The following RBFOX1 variants were observed in gnomAD, a reference collection of about 807,000 sequenced individuals.
The protein encoded by RBFOX1 is RNA binding protein fox-1 homolog 1.
A neutral mutation model predicts 57.7 loss-of-function variants in RBFOX1; 8 were observed. That is an observed-to-expected ratio of 0.14 (90% confidence interval 0.08 to 0.25). RBFOX1 has a LOEUF of 0.25. Among genes scored for constraint, RBFOX1 ranks in the 10% least tolerant of loss-of-function variants. The pLI is 1.00. For synonymous variants in RBFOX1, 326 were observed against 222.4 expected, an observed-to-expected ratio of 1.47 and a Z score of -4.15; for missense variants, 611 against 548.5, an observed-to-expected ratio of 1.11 and a Z score of -1.14.
intron 4 of RBFOX1, among the ~76,000 whole-genome samples, chr16:7,143,534 A>G (rs747161310): frequency 1.3e-5 from 2 of 152,268 alleles, no homozygotes; most frequent in Non-Finnish European, 1.5e-5. Context: ...AGAAGCACCA[A>G]TAAAAATAAA....
At chr16:6,943,112 G>C (rs929629627) in intron 3 of RBFOX1, among the ~76,000 whole-genome samples, 1 of 152,122 alleles carries the variant, frequency 6.6e-6, no homozygotes, top group Admixed American at 6.6e-5. Flanking sequence ...AGCCAATCTG[G>C]GTATTCATTC....
In RBFOX1 at chr16:7,504,726, TA is replaced by T. The variant is rs1567553074; in HGVS notation, c.28-13420del. On this transcript the variant is annotated intron_variant, in intron 4 of 15. Coordinates refer to ENST00000550418, the MANE Select transcript of RBFOX1 (RefSeq NM_018723.4). The stretch of plus-strand genomic sequence containing the variant: ...AAGTGAGATTATATATATATATATA[TA>T]TATATATATATATATATATATATAT... Among the ~76,000 whole-genome samples, 97 of 46,186 alleles carry T rather than the reference TA, an allele frequency of 2.1e-3. 14 individuals are homozygous for T. The highest frequency in any genetic ancestry group is 7.3e-3 in the South Asian group (6 of 822). 30.3% of individuals were successfully genotyped at this position (46,186 alleles called of 152,430 possible). A position where few individuals can be genotyped will look rare whatever the true frequency, so the allele number is the denominator to read the frequency against.
At chr16:6,989,265 C>G (rs1241674203) in intron 3 of RBFOX1, among the ~76,000 whole-genome samples, 2 of 152,052 alleles carry the variant, frequency 1.3e-5, no homozygotes, top group East Asian at 3.9e-4. Flanking sequence ...TTATTTTTCT[C>G]TTGGGCAGTA....
At chr16:6,506,547 G>A (rs1035825870) in intron 2 of RBFOX1, among the ~76,000 whole-genome samples, 3 of 150,684 alleles carry the variant, frequency 2.0e-5, no homozygotes, top group African/African-American at 7.3e-5. Flanking sequence ...GGACATCTAT[G>A]GACCCACAGT....
At chr16:6,794,756 G>A (rs1428613922) in intron 3 of RBFOX1, among the ~76,000 whole-genome samples, 1 of 152,084 alleles carries the variant, frequency 6.6e-6, no homozygotes, top group African/African-American at 2.4e-5. Flanking sequence ...CAAATGTGTG[G>A]TTGATGTAGG....
intron 1 of RBFOX1, among the ~76,000 whole-genome samples, chr16:6,147,085 A>T (rs1192592393): frequency 6.6e-6 from 1 of 152,040 alleles, no homozygotes; most frequent in African/African-American, 2.4e-5. Flanking sequence ...CCCAGCTTCC[A>T]CCCACGGAAT....
chr16:5,629,039 C>G (rs1054201598), intron 3 of RBFOX1, among the ~76,000 whole-genome samples: 2 of 152,002 alleles, frequency 1.3e-5, no homozygotes, highest in Non-Finnish European at 1.5e-5. Flanking sequence ...AAGCACCCAT[C>G]GTAGGGCAAA....
At position 6,862,964 on chromosome 16, in the gene RBFOX1, G is replaced by A. The variant is rs529106314; in HGVS notation, c.-15-189093G>A. On this transcript the variant is annotated intron_variant, in intron 3 of 15. Coordinates refer to ENST00000550418, the MANE Select transcript of RBFOX1 (RefSeq NM_018723.4). ...CACGGCACTGCACTCCAGCCTGGGC[G>A]ACAGAGGGAGACTCTGTCTAAAAAA... Among the ~76,000 whole-genome samples the A allele has an allele frequency of 6.9e-5, 10 of 145,730 alleles. 1 individual carries two copies. The highest frequency in any genetic ancestry group is 1.5e-4 in the African/African-American group (6 of 41,026).
intron 5 of RBFOX1, among the ~76,000 whole-genome samples, chr16:7,551,081 C>G (rs138800522): frequency 8.4e-6 from 1 of 118,804 alleles, no homozygotes; most frequent in African/African-American, 3.2e-5. Context: ...GCAACAAGAG[C>G]GAGACTCAAA....
At chr16:6,773,630 T>TTG (rs1399178703) in intron 3 of RBFOX1, among the ~76,000 whole-genome samples, 1 of 124,314 alleles carries the variant, frequency 8.0e-6, no homozygotes, top group Admixed American at 8.5e-5. Context: ...TGGGGTGCAT[T>TTG]TGTGTGTGTA....
chr16:6,147,947 C>A (rs2096770892), intron 1 of RBFOX1, among the ~76,000 whole-genome samples: 1 of 152,234 alleles, frequency 6.6e-6, no homozygotes, highest in South Asian at 2.1e-4. Context: ...CAAGGGTCTC[C>A]TACAGCCTTC....
At position 6,527,311 on chromosome 16, in the gene RBFOX1, T is replaced by C. The variant is rs371247451; in HGVS notation, c.-63-127292T>C. Among the ~76,000 whole-genome samples the C allele has an allele frequency of 5.9e-5, 9 of 152,194 alleles. No individual in the cohort carries two copies. The East Asian group carries it at 1.4e-3, about 23-fold the overall frequency. On this transcript the variant is annotated intron_variant, in intron 2 of 15. Coordinates refer to ENST00000550418, the MANE Select transcript of RBFOX1 (RefSeq NM_018723.4). ...TCAGAAATGTGATATCTTAGGTATA[T>C]ACTAAGAGGGGTGTGTATGTGTGTG... is the stretch of plus-strand genomic sequence containing the variant.
At chr16:7,489,628 A>G (rs990201903) in intron 4 of RBFOX1, among the ~76,000 whole-genome samples, 1 of 151,554 alleles carries the variant, frequency 6.6e-6, no homozygotes, top group Admixed American at 6.6e-5. Flanking sequence ...AAATCCTCCA[A>G]CGTCAGTCTC....
At chr16:6,965,539 G>A (rs1228603606) in intron 3 of RBFOX1, among the ~76,000 whole-genome samples, 1 of 152,146 alleles carries the variant, frequency 6.6e-6, no homozygotes, top group Non-Finnish European at 1.5e-5. Flanking sequence ...GTTTCACCAT[G>A]TTGGCCAGGC....
intron 2 of RBFOX1, among the ~76,000 whole-genome samples, chr16:5,508,901 C>A (rs117188484): frequency 5.7e-4 from 87 of 152,304 alleles, no homozygotes; most frequent in Non-Finnish European, 1.0e-3. Flanking sequence ...AACCACCCAC[C>A]TGGGGGTTCT....
intron 1 of RBFOX1, among the ~76,000 whole-genome samples, chr16:5,414,866 C>A (rs868726700): frequency 6.6e-6 from 1 of 152,080 alleles, no homozygotes; most frequent in African/African-American, 2.4e-5. Flanking sequence ...AGTTAAGGAG[C>A]CAGCAGGGAT....
intron 4 of RBFOX1, among the ~76,000 whole-genome samples, chr16:7,344,151 A>G (rs747163616): frequency 7.9e-6 from 1 of 126,976 alleles, no homozygotes. Flanking sequence ...TCTGAACTGC[A>G]GTTTTCTCTT....
chr16:6,958,078 A>G (rs779653554), intron 3 of RBFOX1, among the ~76,000 whole-genome samples: 9 of 151,642 alleles, frequency 5.9e-5, no homozygotes, highest in Non-Finnish European at 1.2e-4. Context: ...GCTCTCATGG[A>G]TGTTAAAGGC....
chr16:6,220,125 G>C (rs553664707), intron 1 of RBFOX1, among the ~76,000 whole-genome samples: 15 of 151,760 alleles, frequency 9.9e-5, no homozygotes, highest in African/African-American at 3.6e-4. Context: ...TCATTTATCT[G>C]TATATCATCT....
Sources: gnomAD v4.1 joint callset for allele counts (sites outside exome capture counted in the v4.1 genomes callset) on GRCh38, gnomAD v4.1.1 for gene constraint, MANE v1.5 for transcripts, NCBI Gene and HGNC (gene_info 2026-07-23, HGNC 2026-07-21) for gene names.